The following ATP7B variants were observed in gnomAD, a reference collection of about 807,000 sequenced individuals.
The protein encoded by ATP7B is ATPase copper transporting beta, also known as copper-transporting ATPase 2.
ATP7B carries 113 observed loss-of-function variants against 118.9 expected under a neutral mutation model. The observed-to-expected ratio is 0.95, with a 90% confidence interval of 0.82 to 1.11. The LOEUF is 1.11. Among genes scored for constraint, ATP7B ranks in the 50% most tolerant of loss-of-function variants. ATP7B has a pLI of 0.00. For synonymous variants in ATP7B, 777 were observed against 727.4 expected, an observed-to-expected ratio of 1.07 and a Z score of -1.10; for missense variants, 1,867 against 1,871.4, an observed-to-expected ratio of 1.00 and a Z score of 0.04.
upstream of ATP7B, among the ~76,000 whole-genome samples, chr13:52,011,734 C>T (rs1405525357): frequency 6.6e-6 from 1 of 152,278 alleles, no homozygotes; most frequent in East Asian, 1.9e-4. Flanking sequence ...CGTGCCGGCG[C>T]CGCAGGGCGG....
At chr13:51,978,625 T>C (rs1016256843) in intron 1 of ATP7B, among the ~76,000 whole-genome samples, 8 of 152,238 alleles carry the variant, frequency 5.3e-5, no homozygotes, top group African/African-American at 1.9e-4. Flanking sequence ...AGTTAATTAC[T>C]GTACAGCCAT....
chr13:51,939,067 C>G lies in ATP7B; in HGVS notation c.3683G>C (p.Arg1228Thr). 6.2e-7 allele frequency: 1 copy of G among 1,614,270 alleles called. No homozygotes were observed. The highest frequency in any genetic ancestry group is 1.6e-4 in the Middle Eastern group (1 of 6,062). The part of the protein sequence containing the change: ...LITGDNRKTA[R>T]AIATQVGINK... ...GGGCTGTACCTGGGTGGCAATAGCT[C>G]TGGCTGTCTTCCGGTTGTCCCCCGT... Residue 1228 changes from arginine to threonine, a missense_variant, in exon 17 of 21, where the codon AGA becomes ACA. Coordinates refer to ENST00000242839, the MANE Select transcript of ATP7B (RefSeq NM_000053.4).
rs557514926 is a variant in ATP7B at position 51,948,697 on chromosome 13, A to T, written c.2865+965T>A. Among the ~76,000 whole-genome samples, 12 of 152,238 alleles carry T rather than the reference A, an allele frequency of 7.9e-5. No individual in the cohort carries two copies. The South Asian group carries it at 2.3e-3, about 29-fold the overall frequency. ...CACAGCTGCCAACTGAGAATCACAG[A>T]TGTAATATAGCTTTTATTCCTCAAG... On this transcript the variant is annotated intron_variant, in intron 12 of 20. Coordinates refer to ENST00000242839, the MANE Select transcript of ATP7B (RefSeq NM_000053.4).
At chr13:51,986,709 T>A (rs148296598) in intron 1 of ATP7B, among the ~76,000 whole-genome samples, 1 of 152,154 alleles carries the variant, frequency 6.6e-6, no homozygotes, top group Non-Finnish European at 1.5e-5. Flanking sequence ...TCAAAAAGCT[T>A]ATCCACCATG....
At chr13:51,987,072 A>G (rs1414090927) in intron 1 of ATP7B, among the ~76,000 whole-genome samples, 1 of 152,218 alleles carries the variant, frequency 6.6e-6, no homozygotes, top group Non-Finnish European at 1.5e-5. Context: ...TGGCCAGGGC[A>G]ATCAGGCAAG....
At chr13:52,009,096 G>C (rs1953908147) in intron 1 of ATP7B, among the ~76,000 whole-genome samples, 1 of 151,788 alleles carries the variant, frequency 6.6e-6, no homozygotes, top group Admixed American at 6.6e-5. Flanking sequence ...GGCTGGTCTT[G>C]AACTCCTGGA....
At chr13:52,004,096 A>T (rs576904435) in intron 1 of ATP7B, among the ~76,000 whole-genome samples, 3 of 151,892 alleles carry the variant, frequency 2.0e-5, no homozygotes, top group Non-Finnish European at 2.9e-5. Context: ...CGTCTCTACT[A>T]AAAAAAATTA....
At chr13:51,964,387 G>C (rs1440658178) in intron 5 of ATP7B, among the ~76,000 whole-genome samples, 1 of 152,230 alleles carries the variant, frequency 6.6e-6, no homozygotes, top group Non-Finnish European at 1.5e-5. Context: ...AAGGGAGTAA[G>C]AGGCAGGGCA....
At chr13:51,958,864 T>G (rs1958538181) in intron 7 of ATP7B, 1 of 402,626 alleles carries the variant, frequency 2.5e-6, no homozygotes, top group Non-Finnish European at 4.7e-6. Flanking sequence ...AGGCATTCCA[T>G]TCCCTAAAGA....
chr13:51,950,536 A>T, intron 9 of ATP7B, 137 bp from the exon 10 acceptor site: 2 of 1,343,004 alleles, frequency 1.5e-6, no homozygotes, highest in Admixed American at 1.9e-5. Context: ...TCATTTACAG[A>T]TATTTATCGT....
chr13:51,949,737 G>A lies in ATP7B; in HGVS notation c.2790C>T (p.Ile930=). The part of the protein sequence containing the change: ...FSGYFVPFII[I]MSTLTLVVWI... Reference sequence around the variant, plus strand: ...ATACCACCAACGTCAAAGTTGACATGATGATGATAAATGGGACAAAATATC... The same window carrying A: ...ATACCACCAACGTCAAAGTTGACATAATGATGATAAATGGGACAAAATATC... The change falls in exon 12 of 21, where the codon ATC becomes ATT. Residue 930 remains isoleucine (I), a synonymous_variant. Transcript: ENST00000242839. 1 of 1,614,112 alleles carries A rather than the reference G, an allele frequency of 6.2e-7. No individual in the cohort carries two copies. Among genetic ancestry groups the A allele is most frequent in the Non-Finnish European group, 8.5e-7 (1 of 1,179,990 alleles).
At chr13:51,963,714 G>A (rs547012258) in intron 5 of ATP7B, among the ~76,000 whole-genome samples, 26 of 137,600 alleles carry the variant, frequency 1.9e-4, no homozygotes, top group African/African-American at 6.6e-4. Context: ...CCAGCCTGGG[G>A]GACAAGAGCG....
chr13:51,938,908 C>T (rs1729039318), intron 17 of ATP7B, 143 bp downstream of exon 17: 5 of 1,356,668 alleles, frequency 3.7e-6, no homozygotes, highest in Non-Finnish European at 5.2e-6. Flanking sequence ...TACATGGCCA[C>T]AGAATGAAAC....
intron 13 of ATP7B, 57 bp from the exon 14 acceptor site, chr13:51,944,348 T>C: frequency 1.2e-6 from 2 of 1,603,342 alleles, no homozygotes; most frequent in Non-Finnish European, 1.7e-6. Flanking sequence ...GCTTCCATAG[T>C]CACACTCCTG....
intron 1 of ATP7B, among the ~76,000 whole-genome samples, chr13:52,001,723 T>C (rs1213708144): frequency 6.6e-6 from 1 of 152,126 alleles, no homozygotes; most frequent in African/African-American, 2.4e-5. Flanking sequence ...CAATAATACA[T>C]CTTTTACTTA....
At chr13:52,011,908 G>C (rs942155377), upstream of ATP7B, 5 of 265,446 alleles carry the variant, frequency 1.9e-5, no homozygotes, top group Non-Finnish European at 3.7e-5. Flanking sequence ...GAAGGTGCCC[G>C]GCGGCGCCGC....
At chr13:51,994,361 T>C (rs538522532) in intron 1 of ATP7B, among the ~76,000 whole-genome samples, 2 of 152,362 alleles carry the variant, frequency 1.3e-5, no homozygotes, top group Non-Finnish European at 2.9e-5. Context: ...AACCTCTGTG[T>C]AGAAGCTACC....
rs1951473550 is a variant in ATP7B, at chr13:51,965,010, G to A, written c.1731C>T (p.Ser577=). ...ELTITGMTCA[S]CVHNIESKLT... is the part of the protein sequence containing the mutation. ...GTTTGGACTCTATGTTGTGGACACA[G>A]GACGCGCAGGTCATCCCTGTGATCT... Residue 577 remains serine (S), a synonymous_variant, in exon 5 of 21, where the codon TCC becomes TCT. Coordinates refer to ENST00000242839, the MANE Select transcript of ATP7B (RefSeq NM_000053.4). 6.2e-7 allele frequency: 1 copy of A among 1,614,056 alleles called. No individual in the cohort carries two copies. The highest frequency in any genetic ancestry group is 1.3e-5 in the African/African-American group (1 of 74,908).
At chr13:51,942,828 G>A (rs1218987918) in intron 14 of ATP7B, among the ~76,000 whole-genome samples, 1 of 152,140 alleles carries the variant, frequency 6.6e-6, no homozygotes, top group East Asian at 1.9e-4. Flanking sequence ...CCCTGGGTGG[G>A]TGCCTCATGA....
Sources: allele counts gnomAD v4.1 joint callset (sites outside exome capture counted in the v4.1 genomes callset), GRCh38; gene constraint gnomAD v4.1.1; transcripts MANE v1.5; gene names NCBI Gene and HGNC (gene_info 2026-07-23, HGNC 2026-07-21).